Variants in GABRG2 observed in about 807,000 individuals in gnomAD.
The protein encoded by GABRG2 is gamma-aminobutyric acid receptor subunit gamma-2.
In GABRG2, 16 loss-of-function variants were observed where a neutral mutation model predicts 56.4. That is an observed-to-expected ratio of 0.28 (90% CI 0.19 to 0.43). The LOEUF is 0.43. Among genes scored for constraint, GABRG2 ranks in the 20% least tolerant of loss-of-function variants. The probability of loss-of-function intolerance (pLI) is 1.00; values close to 1 mark genes in which losing one functional copy is unlikely to be tolerated. For synonymous variants in GABRG2, 208 were observed against 205.5 expected (o/e 1.01, Z -0.10); for missense variants, 327 against 582.7 (o/e 0.56, Z 4.52).
At chr5:162,144,283 C>T (rs1203141681) in intron 7 of GABRG2, among the ~76,000 whole-genome samples, 1 of 152,182 alleles carries the variant, frequency 6.6e-6, no homozygotes, top group East Asian at 1.9e-4. Context: ...TTCTAATCCA[C>T]CCTCTTCCCA....
chr5:162,149,527 T>C (rs1262392485), intron 8 of GABRG2: 4 of 753,364 alleles, frequency 5.3e-6, no homozygotes, highest in Admixed American at 1.8e-5. Flanking sequence ...AGAGTTCTTA[T>C]GCAAATATAA....
chr5:162,104,128 C>A (rs915725012), intron 6 of GABRG2, 102 bp downstream of exon 6: 3 of 1,066,370 alleles, frequency 2.8e-6, no homozygotes, highest in Non-Finnish European at 4.3e-6. Context: ...GAATGATAAT[C>A]AGAAAATTAA....
intron 1 of GABRG2, among the ~76,000 whole-genome samples, chr5:162,089,199 T>G (rs950910531): frequency 6.6e-6 from 1 of 152,074 alleles, no homozygotes; most frequent in Non-Finnish European, 1.5e-5. Flanking sequence ...GACAGTTACA[T>G]GCAAAGGTTC....
intron 6 of GABRG2, among the ~76,000 whole-genome samples, chr5:162,133,652 T>C (rs1763913672): frequency 6.6e-6 from 1 of 152,106 alleles, no homozygotes; most frequent in Admixed American, 6.6e-5. Flanking sequence ...AACTTGACTA[T>C]GGACTCAGAC....
intron 7 of GABRG2, among the ~76,000 whole-genome samples, chr5:162,145,568 G>A (rs1340891372): frequency 1.3e-5 from 2 of 152,132 alleles, no homozygotes; most frequent in Non-Finnish European, 2.9e-5. Context: ...GTGGCTCCAG[G>A]CAGAGCCCTG....
At chr5:162,128,717 C>G (rs6893138) in intron 6 of GABRG2, among the ~76,000 whole-genome samples, 1 of 151,928 alleles carries the variant, frequency 6.6e-6, no homozygotes. Flanking sequence ...TTCATCATTT[C>G]TAGGATGGAA....
chr5:162,102,631 A>G (rs928056813), intron 5 of GABRG2: 2 of 453,458 alleles, frequency 4.4e-6, no homozygotes, highest in Non-Finnish European at 8.8e-6. Flanking sequence ...CTGGGGCTCA[A>G]CTGATCCTCC....
intron 1 of GABRG2, among the ~76,000 whole-genome samples, chr5:162,079,402 G>A (rs1163049060): frequency 6.6e-6 from 1 of 152,162 alleles, no homozygotes; most frequent in Non-Finnish European, 1.5e-5. Context: ...TGCACGTAAA[G>A]CACAAAATTA....
At chr5:162,109,388 T>TG (rs1762073283) in intron 6 of GABRG2, among the ~76,000 whole-genome samples, 1 of 39,168 alleles carries the variant, frequency 2.6e-5, no homozygotes, top group Non-Finnish European at 4.8e-5. Flanking sequence ...ACTTAAAGTA[T>TG]AATATATATA....
rs985461393 is a variant in GABRG2 at position 162,126,358 on chromosome 5, C to T, written c.770-15806C>T. 3.3e-4 allele frequency among the ~76,000 whole-genome samples: 50 copies of T among 152,040 alleles called. 1 individual carries two copies. The highest frequency in any genetic ancestry group is 1.2e-3 in the African/African-American group (50 of 41,504). ...GTGTGCAATCCAGTGTTCCACCCAC[C>T]AGTGGGTCCCTGATAAATGGAAAAG... On this transcript the variant is annotated intron_variant, in intron 6 of 9. Transcript: ENST00000639213.
At chr5:162,121,307 T>A (rs1466653179) in intron 6 of GABRG2, among the ~76,000 whole-genome samples, 1 of 152,120 alleles carries the variant, frequency 6.6e-6, no homozygotes, top group East Asian at 1.9e-4. Flanking sequence ...TGTGAGCTAA[T>A]TATTTGTAAA....
At chr5:162,151,878 G>A (rs905752222) in intron 9 of GABRG2, 125 bp downstream of exon 9, 33 of 849,474 alleles carry the variant, frequency 3.9e-5, no homozygotes, top group Non-Finnish European at 2.5e-5. Context: ...ATAATATGTT[G>A]GAGAAAGTTC....
At chr5:162,070,538 T>TA (rs71968854) in intron 1 of GABRG2, among the ~76,000 whole-genome samples, 56 of 149,366 alleles carry the variant, frequency 3.7e-4, no homozygotes, top group East Asian at 7.8e-4. Context: ...TAAAGATAAA[T>TA]AAAAAAAAAA....
At chr5:162,108,475 G>C (rs1026201346) in intron 6 of GABRG2, among the ~76,000 whole-genome samples, 2 of 152,078 alleles carry the variant, frequency 1.3e-5, no homozygotes, top group Non-Finnish European at 2.9e-5. Context: ...ACTTCTTAAT[G>C]CATCACTACC....
At chr5:162,104,607 A>T (rs925869080) in intron 6 of GABRG2, among the ~76,000 whole-genome samples, 1 of 152,186 alleles carries the variant, frequency 6.6e-6, no homozygotes, top group African/African-American at 2.4e-5. Flanking sequence ...ATTAAAAAAA[A>T]TTGCATCACA....
At chr5:162,113,036 C>T (rs1213593176) in intron 6 of GABRG2, among the ~76,000 whole-genome samples, 1 of 151,900 alleles carries the variant, frequency 6.6e-6, no homozygotes, top group Non-Finnish European at 1.5e-5. Flanking sequence ...CATGCAACCT[C>T]CACCTCCCAG....
chr5:162,140,022 A>G (rs1472727057), intron 6 of GABRG2, among the ~76,000 whole-genome samples: 1 of 152,214 alleles, frequency 6.6e-6, no homozygotes, highest in Non-Finnish European at 1.5e-5. Context: ...GTTATATTCT[A>G]AATTAGGACA....
At chr5:162,077,834 TG>T (rs1310155611) in intron 1 of GABRG2, among the ~76,000 whole-genome samples, 1 of 152,082 alleles carries the variant, frequency 6.6e-6, no homozygotes, top group African/African-American at 2.4e-5. Context: ...CACTCCAATG[TG>T]GCTATTAAAA....
intron 1 of GABRG2, among the ~76,000 whole-genome samples, chr5:162,068,876 A>G (rs1425714442): frequency 6.6e-6 from 1 of 152,106 alleles, no homozygotes; most frequent in East Asian, 1.9e-4. Context: ...ACTATTGGGC[A>G]TAGGGTGGAG....
Sources: gnomAD v4.1 joint callset for allele counts (sites outside exome capture counted in the v4.1 genomes callset) on GRCh38, gnomAD v4.1.1 for gene constraint, MANE v1.5 for transcripts, NCBI Gene and HGNC (gene_info 2026-07-23, HGNC 2026-07-21) for gene names.